The following ZCCHC17 variants were observed in gnomAD, a reference collection of about 807,000 sequenced individuals.
The protein encoded by ZCCHC17 is zinc finger CCHC-type containing 17.
A neutral mutation model predicts 30.6 loss-of-function variants in ZCCHC17; 18 were observed. The observed-to-expected ratio is 0.59, with a 90% CI of 0.41 to 0.87. The LOEUF (loss-of-function observed/expected upper bound fraction) is 0.87. Ranked by LOEUF, ZCCHC17 falls within the 40% of genes least tolerant of loss-of-function variation. ZCCHC17 has a pLI of 0.00. For missense variants in ZCCHC17, 263 were observed against 284.2 expected, an observed-to-expected ratio of 0.93 and a Z score of 0.54; for synonymous variants, 88 against 92.4, an observed-to-expected ratio of 0.95 and a Z score of 0.27.
At chr1:31,329,798 C>T (rs1638507540) in intron 3 of ZCCHC17, among the ~76,000 whole-genome samples, 1 of 152,150 alleles carries the variant, frequency 6.6e-6, no homozygotes, top group African/African-American at 2.4e-5. Flanking sequence ...TGGCAAGTCT[C>T]CTAGTCTTTG....
At chr1:31,357,981 C>T (rs573031976) in intron 7 of ZCCHC17, among the ~76,000 whole-genome samples, 210 of 152,012 alleles carry the variant, frequency 1.4e-3, no homozygotes, top group Non-Finnish European at 2.7e-3. Flanking sequence ...CTTGAACTCC[C>T]GACCTCGGGT....
rs546656238 is a variant in ZCCHC17, at chr1:31,336,927, G to T, written c.125-248G>T. On this transcript the variant is annotated intron_variant, in intron 3 of 7. Coordinates refer to ENST00000344147, the MANE Select transcript of ZCCHC17 (RefSeq NM_016505.4). ...GAGCTCAGGCAATCTGCCCGCCTCA[G>T]CCTTCCAAAGTTCTGGGATTACAGG... Among the ~76,000 whole-genome samples, 3 of 151,726 alleles carry T rather than the reference G, an allele frequency of 2.0e-5. No individual in the cohort carries two copies. In the East Asian group the frequency reaches 5.8e-4, roughly 29 times the overall value.
rs11345442 is a variant in ZCCHC17 at position 31,336,832 on chromosome 1, G to GT, written c.125-330dup. On this transcript the variant is annotated intron_variant, in intron 3 of 7. Transcript: ENST00000344147. ...GACACGTGCCACCATGCCTGGCCAGGTTTTTTTTTTTTTGTATTTTTTGTA... is the reference window on the plus strand; with the variant it reads ...GACACGTGCCACCATGCCTGGCCAGGTTTTTTTTTTTTTTGTATTTTTTGTA... Among the ~76,000 whole-genome samples, 332 of 144,202 alleles carry GT rather than the reference G, an allele frequency of 2.3e-3. 4 individuals carry two copies. The highest frequency in any genetic ancestry group is 4.2e-3 in the African/African-American group (163 of 38,916). The allele number at this position is 144,202 out of a possible 152,430, so 94.6% of individuals were successfully genotyped here.
At chr1:31,313,493 T>G (rs940298874) in intron 2 of ZCCHC17, among the ~76,000 whole-genome samples, 5 of 152,262 alleles carry the variant, frequency 3.3e-5, no homozygotes, top group African/African-American at 1.2e-4. Context: ...GAGGGCAGAC[T>G]TTGTGATTAT....
intron 5 of ZCCHC17, among the ~76,000 whole-genome samples, chr1:31,339,856 G>C (rs1406013771): frequency 6.6e-6 from 1 of 151,292 alleles, no homozygotes; most frequent in Non-Finnish European, 1.5e-5. Flanking sequence ...TCTTACTTTC[G>C]TTGGCTCTTC....
intron 1 of ZCCHC17, among the ~76,000 whole-genome samples, chr1:31,299,586 A>C (rs1222455441): frequency 2.6e-5 from 4 of 152,186 alleles, no homozygotes; most frequent in African/African-American, 9.7e-5. Context: ...CATGGCAGTA[A>C]ATTTCTCCAG....
At chr1:31,344,114 C>A (rs1639154813) in intron 5 of ZCCHC17, among the ~76,000 whole-genome samples, 1 of 151,932 alleles carries the variant, frequency 6.6e-6, no homozygotes, top group Non-Finnish European at 1.5e-5. Context: ...CTCGGCCTCC[C>A]AAAGTGCTAG....
chr1:31,352,336 C>G (rs944682915), intron 7 of ZCCHC17, among the ~76,000 whole-genome samples: 8 of 152,212 alleles, frequency 5.3e-5, no homozygotes, highest in African/African-American at 1.9e-4. Flanking sequence ...CCTGCACTTG[C>G]AACCACTGTT....
chr1:31,333,136 A>G (rs12758357), intron 3 of ZCCHC17: 2 of 152,236 alleles, frequency 1.3e-5, no homozygotes, highest in Middle Eastern at 6.8e-3. Context: ...CCAGTTTTTC[A>G]CTGCTAACGC....
chr1:31,341,152 A>G (rs1050278816), intron 5 of ZCCHC17, among the ~76,000 whole-genome samples: 3 of 152,210 alleles, frequency 2.0e-5, no homozygotes, highest in Non-Finnish European at 4.4e-5. Context: ...TCACTCTTGC[A>G]TGTGACTTAC....
intron 1 of ZCCHC17, among the ~76,000 whole-genome samples, chr1:31,303,854 G>A (rs1383263483): frequency 1.3e-5 from 2 of 152,172 alleles, no homozygotes; most frequent in African/African-American, 4.8e-5. Context: ...TGATCCTCAG[G>A]CCCCACCTCT....
chr1:31,298,779 G>T (rs545124828), intron 1 of ZCCHC17, among the ~76,000 whole-genome samples: 93 of 152,216 alleles, frequency 6.1e-4, no homozygotes, highest in Admixed American at 9.2e-4. Flanking sequence ...TCAGAAGAGA[G>T]ATTTGTGTTG....
At chr1:31,353,457 A>G (rs1035077885) in intron 7 of ZCCHC17, among the ~76,000 whole-genome samples, 1 of 152,184 alleles carries the variant, frequency 6.6e-6, no homozygotes. Flanking sequence ...GAGTATGTTC[A>G]TGATAGTATT....
chr1:31,338,070 A>G (rs558809407), intron 4 of ZCCHC17, among the ~76,000 whole-genome samples: 3 of 151,132 alleles, frequency 2.0e-5, no homozygotes, highest in Non-Finnish European at 2.9e-5. Context: ...CCTGGGCTCA[A>G]CTGATCTTGC....
At position 31,337,290 on chromosome 1, in the gene ZCCHC17, G is replaced by A. The variant is rs373923700; in HGVS notation, c.225+15G>A. 45 of 1,608,300 alleles carry A rather than the reference G, an allele frequency of 2.8e-5. No individual in the cohort carries two copies. In the African/African-American group the frequency reaches 2.8e-4, roughly 10 times the overall value. On this transcript the variant is annotated intron_variant, in intron 4 of 7. Coordinates refer to ENST00000344147, the MANE Select transcript of ZCCHC17 (RefSeq NM_016505.4). ...TTGGCCGAGAGGTAAAGTTCTGTGC[G>A]GCTCCCTTGTGGTTAGAAAGGATTA...
chr1:31,314,252 C>T (rs1402153785), intron 2 of ZCCHC17, among the ~76,000 whole-genome samples: 1 of 152,014 alleles, frequency 6.6e-6, no homozygotes, highest in Non-Finnish European at 1.5e-5. Context: ...TAGGAATGTT[C>T]AGAGAGAACT....
chr1:31,336,983 A>G (rs569121580), intron 3 of ZCCHC17, 192 bp from the exon 4 acceptor site: 10 of 476,326 alleles, frequency 2.1e-5, no homozygotes, highest in African/African-American at 2.0e-4. Flanking sequence ...CACTTTGAGC[A>G]TTATTTTAAG....
chr1:31,364,439 T>G lies in ZCCHC17; in HGVS notation c.*246T>G. 1.8e-6 allele frequency: 1 copy of G among 545,418 alleles called. No homozygotes were observed. The highest frequency in any genetic ancestry group is 3.1e-6 in the Non-Finnish European group (1 of 324,516). 33.8% of individuals were successfully genotyped at this position (545,418 alleles called of 1,614,324 possible). ...GCAAGTGAACCCTGCAGCTCACCCA[T>G]TCATTCACCCAACTTCCTTCATTCA... On this transcript the variant is annotated 3_prime_UTR_variant, in exon 8 of 8. Transcript: ENST00000344147.
At chr1:31,317,024 CTTTTTTTT>C (rs1196920105) in intron 2 of ZCCHC17, among the ~76,000 whole-genome samples, 3 of 126,544 alleles carry the variant, frequency 2.4e-5, no homozygotes, top group Admixed American at 8.1e-5. Context: ...AACTTTTTTT[CTTTTTTTT>C]TTTTTTTTTT....
Sources: allele counts gnomAD v4.1 joint callset (sites outside exome capture counted in the v4.1 genomes callset), GRCh38; gene constraint gnomAD v4.1.1; transcripts MANE v1.5; gene names NCBI Gene and HGNC (gene_info 2026-07-23, HGNC 2026-07-21).